The following SLC41A3 variants were observed in gnomAD, a reference collection of about 807,000 sequenced individuals.
The protein encoded by SLC41A3 is solute carrier family 41 member 3, also known as SLC41A1-like 2.
A neutral mutation model predicts 45.4 loss-of-function variants in SLC41A3; 44 were observed. The observed-to-expected ratio is 0.97, with a 90% CI of 0.76 to 1.25. The LOEUF (loss-of-function observed/expected upper bound fraction) is 1.25. SLC41A3 is among the 50% of genes most tolerant of loss of function. The probability of loss-of-function intolerance (pLI) is 0.00; values close to 1 mark genes in which losing one functional copy is unlikely to be tolerated. For missense variants in SLC41A3, 550 were observed against 600.6 expected, an observed-to-expected ratio of 0.92 and a Z score of 0.88; for synonymous variants, 256 against 252.4, an observed-to-expected ratio of 1.01 and a Z score of -0.13.
chr3:126,057,037 G>A, intron 2 of SLC41A3: 2 of 1,005,320 alleles, frequency 2.0e-6, no homozygotes, highest in Non-Finnish European at 2.4e-6. Flanking sequence ...CTGTACAAGT[G>A]TGCTGGGCTG....
chr3:126,086,835 A>G (rs201990946), upstream of SLC41A3, among the ~76,000 whole-genome samples: 1 of 152,194 alleles, frequency 6.6e-6, no homozygotes, highest in East Asian at 1.9e-4. Flanking sequence ...CTATGCATTT[A>G]TGTGTTGTGT....
At chr3:126,007,316 C>A in intron 10 of SLC41A3, 91 bp from the exon 11 acceptor site, 2 of 1,389,840 alleles carry the variant, frequency 1.4e-6, no homozygotes, top group Non-Finnish European at 2.0e-6. Context: ...GGAGAGATAC[C>A]AAGGTGGACA....
chr3:126,046,253 G>A (rs1036133868), intron 3 of SLC41A3, among the ~76,000 whole-genome samples: 4 of 151,754 alleles, frequency 2.6e-5, no homozygotes, highest in Non-Finnish European at 5.9e-5. Flanking sequence ...GAGAAATTAG[G>A]CAAGAAATAA....
intron 3 of SLC41A3, among the ~76,000 whole-genome samples, chr3:126,050,595 G>A (rs1024242299): frequency 1.3e-5 from 2 of 152,176 alleles, no homozygotes; most frequent in Non-Finnish European, 2.9e-5. Flanking sequence ...ATTGCTTGTC[G>A]TGGCTTCTGT....
In SLC41A3 at chr3:126,031,536, G is replaced by A. The variant is rs1448463735; in HGVS notation, c.453+2071C>T. Among the ~76,000 whole-genome samples, 4 of 152,272 alleles carry A rather than the reference G, an allele frequency of 2.6e-5. No homozygotes were observed. In the East Asian group the frequency reaches 5.8e-4, roughly 22 times the overall value. ...CACTGCTGCCTCCCCACATTTATAC[G>A]ACAGAATATGCTGAAGTTCTTAAAA... On this transcript the variant is annotated intron_variant, in intron 4 of 10. Transcript: ENST00000360370.
At chr3:126,020,681 A>G (rs759949229) in intron 6 of SLC41A3, among the ~76,000 whole-genome samples, 6 of 152,188 alleles carry the variant, frequency 3.9e-5, no homozygotes, top group East Asian at 1.9e-4. Flanking sequence ...CCTCTCCAGC[A>G]TTAATATCAA....
chr3:126,038,804 A>G (rs553503872), intron 3 of SLC41A3, among the ~76,000 whole-genome samples: 1 of 152,318 alleles, frequency 6.6e-6, no homozygotes, highest in East Asian at 1.9e-4. Context: ...GGAAAGAATG[A>G]TCTGGTTTGG....
At chr3:126,076,252 T>C (rs1417297552) in intron 1 of SLC41A3, among the ~76,000 whole-genome samples, 1 of 152,204 alleles carries the variant, frequency 6.6e-6, no homozygotes, top group Non-Finnish European at 1.5e-5. Flanking sequence ...GCTTCATTGT[T>C]AGAAAAATGC....
intron 3 of SLC41A3, among the ~76,000 whole-genome samples, chr3:126,041,932 C>T (rs76887033): frequency 0.057 from 8,640 of 152,178 alleles, 664 homozygotes; most frequent in African/African-American, 0.18. Flanking sequence ...TAGGGAATTC[C>T]ATGGTGTTTC....
At chr3:126,056,504 G>A (rs758014831) in intron 2 of SLC41A3, 1 of 1,614,176 alleles carries the variant, frequency 6.2e-7, no homozygotes, top group Non-Finnish European at 8.5e-7. Context: ...AAGCCTCGCA[G>A]CTTCTTGCCC....
intron 3 of SLC41A3, among the ~76,000 whole-genome samples, chr3:126,039,246 T>G (rs550971277): frequency 6.6e-6 from 1 of 152,348 alleles, no homozygotes; most frequent in African/African-American, 2.4e-5. Context: ...GGTACAACAC[T>G]AATAACTAAA....
chr3:126,083,402 G>A (rs371392574), intron 1 of SLC41A3, among the ~76,000 whole-genome samples: 22 of 152,260 alleles, frequency 1.4e-4, no homozygotes, highest in African/African-American at 5.3e-4. Flanking sequence ...GGAAGAAAGA[G>A]GAAAAAATAA....
At chr3:126,098,856 C>T (rs1945653768) in intron 1 of SLC41A3, among the ~76,000 whole-genome samples, 2 of 152,132 alleles carry the variant, frequency 1.3e-5, no homozygotes, top group South Asian at 2.1e-4. Context: ...GGGAACAGGC[C>T]CCAGTGGTGG....
In SLC41A3 at chr3:126,012,728, G is replaced by T. The variant is rs1939850166; in HGVS notation, c.992C>A (p.Ala331Asp). 1.2e-6 allele frequency: 2 copies of T among 1,614,070 alleles called. No individual in the cohort carries two copies. The highest frequency in any genetic ancestry group is 1.7e-6 in the Non-Finnish European group (2 of 1,180,044). Residue 331 changes from alanine (A) to aspartate (D), a missense_variant, in exon 9 of 11, where the codon GCC becomes GAC. Physicochemically the swap from Ala to Asp is moderately radical, Grantham distance 126. Coordinates refer to ENST00000360370, the MANE Select transcript of SLC41A3 (RefSeq NM_017836.4). ...VICGVGGNLV[A>D]IQTSRISTYL... ...GGTTGAGATTCGGCTGGTCTGAATGGCCACCAGATTGCCACCAACACCTAC... is the reference window on the plus strand; with the variant it reads ...GGTTGAGATTCGGCTGGTCTGAATGTCCACCAGATTGCCACCAACACCTAC...
chr3:126,099,738 T>C (rs1348010287), intron 1 of SLC41A3, among the ~76,000 whole-genome samples: 1 of 152,076 alleles, frequency 6.6e-6, no homozygotes, highest in Admixed American at 6.6e-5. Context: ...GTAGTTAAGG[T>C]TGGGAATCAT....
chr3:126,022,062 A>AC (rs1295411721), intron 6 of SLC41A3, among the ~76,000 whole-genome samples: 1 of 145,100 alleles, frequency 6.9e-6, no homozygotes, highest in Non-Finnish European at 1.5e-5. Flanking sequence ...TTTTCAAGTC[A>AC]CCCACATGGC....
At chr3:126,059,307 A>AAAGGAAGGAAGGAAGG (rs1330224854) in intron 2 of SLC41A3, among the ~76,000 whole-genome samples, 12 of 59,444 alleles carry the variant, frequency 2.0e-4, no homozygotes, top group African/African-American at 5.1e-4. Context: ...AGAAAGAAAG[A>AAAGGAAGGAAGGAAGG]AAGGAAGGAT....
chr3:126,068,849 G>C (rs1294130069), intron 1 of SLC41A3, among the ~76,000 whole-genome samples: 1 of 152,138 alleles, frequency 6.6e-6, no homozygotes, highest in Non-Finnish European at 1.5e-5. Flanking sequence ...GAGATCCCTG[G>C]AAGACCCCAC....
chr3:126,031,632 G>A (rs571450946), intron 4 of SLC41A3, among the ~76,000 whole-genome samples: 32 of 152,212 alleles, frequency 2.1e-4, no homozygotes, highest in Non-Finnish European at 4.1e-4. Flanking sequence ...AAATGGAGGA[G>A]ACAAAATTAC....
Sources: gnomAD v4.1 joint callset for allele counts (sites outside exome capture counted in the v4.1 genomes callset) on GRCh38, gnomAD v4.1.1 for gene constraint, MANE v1.5 for transcripts, NCBI Gene and HGNC (gene_info 2026-07-23, HGNC 2026-07-21) for gene names.